Variants in ZBTB41 observed in about 807,000 individuals in gnomAD.
The protein encoded by ZBTB41 is zinc finger and BTB domain containing 41.
Under a neutral mutation model 87.6 loss-of-function variants are expected in ZBTB41, and 42 were observed. The ratio of observed to expected loss-of-function variants is 0.48; its 90% confidence interval spans 0.37 to 0.62. ZBTB41 has a LOEUF of 0.62. ZBTB41 is among the 20% of genes least tolerant of loss of function. The probability of loss-of-function intolerance (pLI) is 0.00; values close to 1 mark genes in which losing one functional copy is unlikely to be tolerated. For synonymous variants in ZBTB41, 364 were observed against 364.0 expected, an observed-to-expected ratio of 1.00 and a Z score of 0.00; for missense variants, 799 against 1,078.9, an observed-to-expected ratio of 0.74 and a Z score of 3.63.
At chr1:197,197,443 T>C (rs1190831613) in intron 2 of ZBTB41, among the ~76,000 whole-genome samples, 1 of 150,564 alleles carries the variant, frequency 6.6e-6, no homozygotes, top group Admixed American at 6.7e-5. Context: ...TAATGTAAAA[T>C]ACATTCAGAA....
Position 197,159,705 on chromosome 1 carries a change from G to A in ZBTB41, c.2384C>T (p.Ala795Val), listed in dbSNP as rs1264831957. 2 of 1,613,966 alleles carry A rather than the reference G, an allele frequency of 1.2e-6. No homozygotes were observed. The highest frequency in any genetic ancestry group is 2.2e-5 in the East Asian group (1 of 44,874). Residue 795 changes from alanine to valine, a missense_variant, in exon 11 of 11, where the codon GCC becomes GTC. Ala to Val is a moderately conservative substitution (Grantham distance 64). This residue lies in a region of ZBTB41 where 171 missense variants were observed against 191.9 expected (regional missense o/e 0.89). Coordinates refer to ENST00000367405, the MANE Select transcript of ZBTB41 (RefSeq NM_194314.3). ...MDQPKVYQSE[A>V]KTMLQNVSAE... ...AGATACATTCTGTAACATCGTCTTG[G>A]CTTCCGACTGATAAACTTTGGGCTG...
At chr1:197,193,582 T>C (rs887917310) in intron 2 of ZBTB41, among the ~76,000 whole-genome samples, 1 of 152,166 alleles carries the variant, frequency 6.6e-6, no homozygotes, top group Non-Finnish European at 1.5e-5. Context: ...TCTGATAACA[T>C]TGGATACACT....
At chr1:197,176,368 T>G (rs1659608088) in intron 8 of ZBTB41, among the ~76,000 whole-genome samples, 196 bp downstream of exon 8, 1 of 152,080 alleles carries the variant, frequency 6.6e-6, no homozygotes, top group Non-Finnish European at 1.5e-5. Flanking sequence ...ATAATTAAAA[T>G]TACAGTGAAT....
intron 6 of ZBTB41, among the ~76,000 whole-genome samples, chr1:197,178,774 T>G (rs1659673176): frequency 6.6e-6 from 1 of 152,166 alleles, no homozygotes; most frequent in Non-Finnish European, 1.5e-5. Context: ...TTAAGCAGAC[T>G]TTCAAGAAGT....
chr1:197,178,592 G>T, intron 6 of ZBTB41, 80 bp from the exon 7 acceptor site: 1 of 971,686 alleles, frequency 1.0e-6, no homozygotes, highest in East Asian at 2.9e-5. Context: ...TACTAGAAAG[G>T]TATTCAAGCT....
At position 197,155,601 on chromosome 1, in the gene ZBTB41, A is replaced by C. The variant is rs1557971474; in HGVS notation, c.*3758T>G. The stretch of plus-strand genomic sequence containing the variant: ...AACATATTAGTTTAACTGTGTTTTT[A>C]ATTTGTTTGCAATTATATTGAAAAG... On this transcript the variant is annotated 3_prime_UTR_variant, in exon 11 of 11. Coordinates refer to ENST00000367405, the MANE Select transcript of ZBTB41 (RefSeq NM_194314.3). 1 of 152,362 alleles carries C rather than the reference A, an allele frequency of 6.6e-6. No individual in the cohort carries two copies. Among genetic ancestry groups the C allele is most frequent in the Non-Finnish European group, 1.5e-5 (1 of 67,830 alleles). 9.4% of individuals were successfully genotyped at this position (152,362 alleles called of 1,614,324 possible). A position where few individuals can be genotyped will look rare whatever the true frequency, so the allele number is the denominator to read the frequency against.
chr1:197,186,130 A>T (rs984238920), intron 5 of ZBTB41, among the ~76,000 whole-genome samples: 1 of 152,180 alleles, frequency 6.6e-6, no homozygotes, highest in African/African-American at 2.4e-5. Flanking sequence ...AAAATAAAAA[A>T]AAAAGATCAA....
In ZBTB41 at chr1:197,159,846, T is replaced by G; in HGVS notation, c.2243A>C (p.Glu748Ala). The G allele has an allele frequency of 6.2e-7, 1 of 1,614,004 alleles. No homozygotes were observed. Among genetic ancestry groups the G allele is most frequent in the African/African-American group, 1.3e-5 (1 of 75,032 alleles). ...KLKYHIDHVH[E>A]IKSPDDPLST... ...GAGAGGATCATCAGGAGATTTTATTTCATGAACATGGTCAATGTGGTATTT... is the reference window on the plus strand; with the variant it reads ...GAGAGGATCATCAGGAGATTTTATTGCATGAACATGGTCAATGTGGTATTT... The change falls in exon 11 of 11, where the codon GAA (glutamate) becomes GCA (alanine). Residue 748 changes from glutamate (E) to alanine (A), a missense_variant. Glu to Ala is a moderately radical substitution (Grantham distance 107). Transcript: ENST00000367405.
intron 7 of ZBTB41, among the ~76,000 whole-genome samples, 190 bp downstream of exon 7, chr1:197,178,227 T>C (rs1352846951): frequency 1.3e-5 from 2 of 151,850 alleles, no homozygotes; most frequent in Non-Finnish European, 2.9e-5. Context: ...TTTAATAATA[T>C]TTTATACCAC....
In ZBTB41 at chr1:197,159,824, A is replaced by AG; in HGVS notation, c.2264dup (p.Leu756SerfsTer5). The AG allele has an allele frequency of 6.2e-7, 1 of 1,614,018 alleles. No homozygotes were observed. The highest frequency in any genetic ancestry group is 8.5e-7 in the Non-Finnish European group (1 of 1,179,902). On this transcript the variant is annotated frameshift_variant, in exon 11 of 11. Coordinates refer to ENST00000367405, the MANE Select transcript of ZBTB41 (RefSeq NM_194314.3). LOFTEE classifies it high-confidence loss of function. ...CAAGTTTTTCCTCAGAAGTACTGAG[A>AG]GGATCATCAGGAGATTTTATTTCAT...
intron 6 of ZBTB41, 45 bp downstream of exon 6, chr1:197,180,943 C>A: frequency 6.4e-7 from 1 of 1,551,618 alleles, no homozygotes; most frequent in East Asian, 2.3e-5. Flanking sequence ...ATTATTTCTA[C>A]ATAATAGTAC....
In ZBTB41 at chr1:197,164,495, A is replaced by C. The variant is rs371218753; in HGVS notation, c.2075-4481T>G. Among the ~76,000 whole-genome samples, 4 of 151,738 alleles carry C rather than the reference A, an allele frequency of 2.6e-5. No homozygotes were observed. In the South Asian group the frequency reaches 8.3e-4, roughly 31 times the overall value. The stretch of plus-strand genomic sequence containing the variant: ...TCAAAATAGATAATTAAACAATACC[A>C]AAAGATGCATATCATAAATATAAGT... On this transcript the variant is annotated intron_variant, in intron 10 of 10. Transcript: ENST00000367405.
At chr1:197,162,143 A>T (rs571952174) in intron 10 of ZBTB41, among the ~76,000 whole-genome samples, 1 of 152,300 alleles carries the variant, frequency 6.6e-6, no homozygotes, top group Admixed American at 6.5e-5. Flanking sequence ...TTTTCAATAG[A>T]AAAATCAATT....
chr1:197,169,412 C>A (rs1219114325), intron 10 of ZBTB41, among the ~76,000 whole-genome samples: 1 of 151,804 alleles, frequency 6.6e-6, no homozygotes, highest in Non-Finnish European at 1.5e-5. Context: ...ATAAGGGAAT[C>A]CACACTTAAT....
Position 197,190,821 on chromosome 1 carries a change from C to A in ZBTB41, c.1339G>T (p.Glu447Ter). 6.3e-7 allele frequency: 1 copy of A among 1,583,576 alleles called. No homozygotes were observed. Among genetic ancestry groups the A allele is most frequent in the Non-Finnish European group, 8.6e-7 (1 of 1,160,046 alleles). Residue 447 changes from glutamate to a stop codon, truncating the protein, a stop_gained, in exon 4 of 11, where the codon GAA becomes TAA. Coordinates refer to ENST00000367405, the MANE Select transcript of ZBTB41 (RefSeq NM_194314.3). LOFTEE classifies it high-confidence loss of function. ...LAKHVKRFHPENAQEFISIKK... is the reference protein window; with the variant it reads ...LAKHVKRFHP The stretch of plus-strand genomic sequence containing the variant: ...ATGGAAATAAATTCTTGTGCATTTT[C>A]AGGATGAAATCTATCAGAGGAAAAG...
chr1:197,174,758 C>G lies in ZBTB41; in HGVS notation c.1985+252G>C, dbSNP rs188343482. Among the ~76,000 whole-genome samples, 446 of 152,174 alleles carry G rather than the reference C, an allele frequency of 2.9e-3. 1 individual carries two copies. The highest frequency in any genetic ancestry group is 0.01 in the African/African-American group (422 of 41,546). On this transcript the variant is annotated intron_variant, in intron 9 of 10. Coordinates refer to ENST00000367405, the MANE Select transcript of ZBTB41 (RefSeq NM_194314.3). ...ATATTTAGCTCTCAAAGAGCCTCAG[C>G]AACCAAATGCCAAGATTTTTTATTA... is the stretch of plus-strand genomic sequence containing the variant.
chr1:197,181,691 T>C (rs1247594706), intron 5 of ZBTB41, among the ~76,000 whole-genome samples: 3 of 152,110 alleles, frequency 2.0e-5, no homozygotes, highest in Non-Finnish European at 2.9e-5. Flanking sequence ...AAGCTATATA[T>C]TAGCAAGAAG....
At chr1:197,173,328 A>C (rs1571652786) in intron 9 of ZBTB41, among the ~76,000 whole-genome samples, 1 of 152,140 alleles carries the variant, frequency 6.6e-6, no homozygotes, top group East Asian at 1.9e-4. Context: ...TTTTCAATTC[A>C]TCCAACCCAA....
Position 197,180,806 on chromosome 1 carries a change from A to G in ZBTB41, c.1676+182T>C, listed in dbSNP as rs145642327. Reference sequence around the variant, plus strand: ...TTAAATCATCCATCTAAAACCTGCAAATCTTGAATCCATGTCATCTTCCAT... The same window carrying G: ...TTAAATCATCCATCTAAAACCTGCAGATCTTGAATCCATGTCATCTTCCAT... On this transcript the variant is annotated intron_variant, in intron 6 of 10. Transcript: ENST00000367405. Among the ~76,000 whole-genome samples the G allele has an allele frequency of 3.9e-5, 6 of 152,238 alleles. No individual in the cohort carries two copies. The East Asian group carries it at 1.2e-3, about 29-fold the overall frequency.
Sources: gnomAD v4.1 joint callset for allele counts (sites outside exome capture counted in the v4.1 genomes callset) on GRCh38, gnomAD v4.1.1 for gene constraint, gnomAD v4.1.1 regional missense constraint, MANE v1.5 for transcripts, NCBI Gene and HGNC (gene_info 2026-07-23, HGNC 2026-07-21) for gene names.